SUPT3H: variants seen among roughly 807,000 people sequenced by gnomAD.
SUPT3H encodes the protein SPT3 homolog, SAGA and STAGA complex component.
A neutral mutation model predicts 44.3 loss-of-function variants in SUPT3H; 44 were observed. That is an observed-to-expected ratio of 0.99 (90% CI 0.78 to 1.28). SUPT3H has a LOEUF of 1.28. Ranked by LOEUF, SUPT3H falls within the 50% of genes most tolerant of loss-of-function variation. The pLI is 0.00. For synonymous variants in SUPT3H, 124 were observed against 125.6 expected, an observed-to-expected ratio of 0.99 and a Z score of 0.09; for missense variants, 380 against 387.1, an observed-to-expected ratio of 0.98 and a Z score of 0.15.
At chr6:45,017,614 A>G (rs1784491989) in intron 4 of SUPT3H, among the ~76,000 whole-genome samples, 1 of 151,474 alleles carries the variant, frequency 6.6e-6, no homozygotes, top group Non-Finnish European at 1.5e-5. Context: ...TCCTTTCCCC[A>G]TTGCTTGTTT....
intron 2 of SUPT3H, among the ~76,000 whole-genome samples, chr6:45,145,759 T>C (rs886710187): frequency 3.9e-5 from 6 of 152,044 alleles, no homozygotes; most frequent in Admixed American, 2.6e-4. Flanking sequence ...AGTCACAAAC[T>C]ATGTATCCAA....
At chr6:44,900,291 G>C (rs531283076) in intron 10 of SUPT3H, among the ~76,000 whole-genome samples, 10 of 152,346 alleles carry the variant, frequency 6.6e-5, no homozygotes, top group African/African-American at 1.7e-4. Flanking sequence ...AGGGGTGACA[G>C]ACTGCACCTG....
At chr6:45,330,138 T>C (rs2150074329) in intron 2 of SUPT3H, among the ~76,000 whole-genome samples, 1 of 152,024 alleles carries the variant, frequency 6.6e-6, no homozygotes, top group East Asian at 1.9e-4. Flanking sequence ...GTAAAATTGC[T>C]TTAGTGACTC....
chr6:45,059,541 C>G (rs1791647038), intron 3 of SUPT3H, among the ~76,000 whole-genome samples: 1 of 152,076 alleles, frequency 6.6e-6, no homozygotes, highest in African/African-American at 2.4e-5. Context: ...CAAGGATGCC[C>G]TCTCTAATCA....
chr6:45,110,563 TTTTTTTAA>T (rs1799904567), intron 2 of SUPT3H, among the ~76,000 whole-genome samples: 2 of 86,598 alleles, frequency 2.3e-5, no homozygotes, highest in African/African-American at 1.4e-4. Flanking sequence ...TAACATCAGC[TTTTTTTAA>T]AAAAAAAAAA....
chr6:45,265,862 A>C (rs1047726727), intron 2 of SUPT3H, among the ~76,000 whole-genome samples: 17 of 152,092 alleles, frequency 1.1e-4, no homozygotes, highest in African/African-American at 4.1e-4. Context: ...ACACTATAAC[A>C]ATAAAATAGA....
intron 10 of SUPT3H, among the ~76,000 whole-genome samples, chr6:44,851,238 C>T (rs1236116680): frequency 6.6e-6 from 1 of 152,080 alleles, no homozygotes; most frequent in East Asian, 1.9e-4. Flanking sequence ...TACTTAAATA[C>T]AAGAGCAGAA....
At chr6:44,997,565 T>G (rs1173878183) in intron 6 of SUPT3H, among the ~76,000 whole-genome samples, 1 of 151,890 alleles carries the variant, frequency 6.6e-6, no homozygotes, top group Non-Finnish European at 1.5e-5. Context: ...TTCAGTACTT[T>G]TTACATTGAT....
At chr6:45,150,675 G>A (rs571154642) in intron 2 of SUPT3H, among the ~76,000 whole-genome samples, 8 of 149,076 alleles carry the variant, frequency 5.4e-5, no homozygotes, top group African/African-American at 1.5e-4. Context: ...CTGAAGGCTC[G>A]ATTCTCAGAC....
At chr6:45,111,279 C>T (rs1800017836) in intron 2 of SUPT3H, among the ~76,000 whole-genome samples, 2 of 152,132 alleles carry the variant, frequency 1.3e-5, no homozygotes, top group South Asian at 4.1e-4. Flanking sequence ...GATCTGCCCA[C>T]CTCAGCCTCC....
At chr6:45,296,448 T>A (rs746702103) in intron 2 of SUPT3H, among the ~76,000 whole-genome samples, 1 of 151,914 alleles carries the variant, frequency 6.6e-6, no homozygotes, top group African/African-American at 2.4e-5. Context: ...GATAAAAGAC[T>A]ACGAACAGTG....
chr6:45,186,712 G>T (rs1045030026), intron 2 of SUPT3H, among the ~76,000 whole-genome samples: 2 of 152,066 alleles, frequency 1.3e-5, no homozygotes, highest in Non-Finnish European at 2.9e-5. Flanking sequence ...CCTTCCTCCA[G>T]CTCTTCTCCC....
intron 6 of SUPT3H, among the ~76,000 whole-genome samples, chr6:44,978,843 A>G (rs1297927830): frequency 6.6e-6 from 1 of 152,212 alleles, no homozygotes; most frequent in Non-Finnish European, 1.5e-5. Flanking sequence ...AGGTTTCATG[A>G]CCAGATTGCC....
intron 6 of SUPT3H, among the ~76,000 whole-genome samples, chr6:44,963,758 C>CGAAGGCTGGGCGGGT (rs1348173005): frequency 1.3e-5 from 2 of 151,936 alleles, no homozygotes; most frequent in East Asian, 3.9e-4. Flanking sequence ...CCAGCACTTT[C>CGAAGGCTGGGCGGGT]GAAGGCTGAG....
chr6:45,027,354 C>T (rs895480058), intron 3 of SUPT3H, among the ~76,000 whole-genome samples: 2 of 152,062 alleles, frequency 1.3e-5, no homozygotes, highest in African/African-American at 4.8e-5. Context: ...TCATTTACTT[C>T]CTCATTTCAG....
chr6:45,006,371 T>C (rs1782717769), intron 5 of SUPT3H, among the ~76,000 whole-genome samples: 1 of 152,058 alleles, frequency 6.6e-6, no homozygotes, highest in South Asian at 2.1e-4. Flanking sequence ...TTTTTCCTTT[T>C]CCTTTCTTCA....
chr6:45,203,232 C>T (rs975876333), intron 2 of SUPT3H, among the ~76,000 whole-genome samples: 4 of 152,034 alleles, frequency 2.6e-5, no homozygotes, highest in African/African-American at 7.2e-5. Flanking sequence ...GCAAAACAAC[C>T]GAAATAAAGG....
At chr6:45,208,746 A>C (rs1016141442) in intron 2 of SUPT3H, among the ~76,000 whole-genome samples, 3 of 151,998 alleles carry the variant, frequency 2.0e-5, no homozygotes, top group African/African-American at 4.8e-5. Context: ...AACAAACAAA[A>C]AAATTCTCAG....
chr6:44,841,546 ATG>A (rs1234247697), intron 10 of SUPT3H, among the ~76,000 whole-genome samples: 11 of 152,366 alleles, frequency 7.2e-5, no homozygotes, highest in African/African-American at 2.6e-4. Context: ...GCCTTCAATA[ATG>A]TGTTTAAATA....
Sources: allele counts gnomAD v4.1 joint callset (sites outside exome capture counted in the v4.1 genomes callset), GRCh38; gene constraint gnomAD v4.1.1; transcripts MANE v1.5; gene names NCBI Gene and HGNC (gene_info 2026-07-23, HGNC 2026-07-21).